The following ULK4 variants were observed in gnomAD, a reference collection of about 807,000 sequenced individuals.
ULK4 encodes inactive serine/threonine-protein kinase ULK4.
A neutral mutation model predicts 160.6 loss-of-function variants in ULK4; 133 were observed. The ratio of observed to expected loss-of-function variants is 0.83; its 90% CI spans 0.72 to 0.96. The LOEUF (loss-of-function observed/expected upper bound fraction) is 0.96. ULK4 is among the 40% of genes least tolerant of loss of function. The pLI, the probability that ULK4 is intolerant of heterozygous loss-of-function variation, is 0.00. For synonymous variants in ULK4, 534 were observed against 539.8 expected (o/e 0.99, Z 0.15); for missense variants, 1,580 against 1,499.5 (o/e 1.05, Z -0.89).
chr3:41,948,490 T>C (rs919755032), intron 2 of ULK4, among the ~76,000 whole-genome samples: 13 of 152,098 alleles, frequency 8.5e-5, no homozygotes, highest in Non-Finnish European at 1.3e-4. Context: ...TCAGGCACTA[T>C]GCTAAATATC....
chr3:41,516,655 C>T (rs2700453), intron 32 of ULK4, among the ~76,000 whole-genome samples: 124,205 of 145,740 alleles, frequency 0.85, 53,550 homozygotes, highest in Non-Finnish European at 0.94. Flanking sequence ...CATGAACATA[C>T]AGAGTAGAAG....
At chr3:41,769,910 TA>T (rs1337423344) in intron 21 of ULK4, among the ~76,000 whole-genome samples, 1 of 152,166 alleles carries the variant, frequency 6.6e-6, no homozygotes, top group Non-Finnish European at 1.5e-5. Context: ...CATCAACTGA[TA>T]ACAGCCTGAA....
chr3:41,597,913 C>T (rs1284018509), intron 31 of ULK4, among the ~76,000 whole-genome samples: 1 of 152,182 alleles, frequency 6.6e-6, no homozygotes, highest in Non-Finnish European at 1.5e-5. Context: ...AACTCCTAAG[C>T]ATAGCAGGTG....
intron 35 of ULK4, among the ~76,000 whole-genome samples, chr3:41,319,822 T>C (rs1267878748): frequency 6.6e-6 from 1 of 152,140 alleles, no homozygotes; most frequent in Non-Finnish European, 1.5e-5. Flanking sequence ...CCAGAAACAT[T>C]ACATGAATAA....
intron 32 of ULK4, among the ~76,000 whole-genome samples, chr3:41,526,507 G>C (rs2086122161): frequency 1.3e-5 from 2 of 152,354 alleles, no homozygotes; most frequent in Middle Eastern, 3.4e-3. Flanking sequence ...AGAGATGACA[G>C]AAATGGTCTA....
At chr3:41,746,548 A>G (rs961042757) in intron 22 of ULK4, among the ~76,000 whole-genome samples, 2 of 151,590 alleles carry the variant, frequency 1.3e-5, no homozygotes, top group African/African-American at 4.9e-5. Context: ...TCAGCAGACC[A>G]TAGAGTAAAT....
intron 31 of ULK4, among the ~76,000 whole-genome samples, chr3:41,589,853 C>CA (rs2031146100): frequency 1.3e-5 from 2 of 151,516 alleles, no homozygotes; most frequent in South Asian, 2.1e-4. Context: ...AAAAATCAGT[C>CA]AAAAAAATAA....
At chr3:41,450,399 CAGACTT>C (rs1167289750) in intron 34 of ULK4, among the ~76,000 whole-genome samples, 1 of 152,140 alleles carries the variant, frequency 6.6e-6, no homozygotes, top group Non-Finnish European at 1.5e-5. Context: ...ATTGTCAAAA[CAGACTT>C]AGAATCACTG....
chr3:41,776,233 T>A (rs2039615291), intron 21 of ULK4, among the ~76,000 whole-genome samples: 1 of 151,090 alleles, frequency 6.6e-6, no homozygotes, highest in Non-Finnish European at 1.5e-5. Context: ...CATTCCAATT[T>A]CTTCTTCTAT....
At chr3:41,479,983 G>A (rs192437091) in intron 32 of ULK4, among the ~76,000 whole-genome samples, 16 of 152,168 alleles carry the variant, frequency 1.1e-4, no homozygotes, top group South Asian at 8.3e-4. Context: ...CAAGGCAGGC[G>A]GATCGAGAGG....
intron 35 of ULK4, among the ~76,000 whole-genome samples, chr3:41,291,925 G>T (rs544915116): frequency 1.6e-4 from 24 of 151,952 alleles, no homozygotes; most frequent in African/African-American, 5.8e-4. Flanking sequence ...CCGCCTCCCG[G>T]GTTCATGCCA....
At position 41,835,918 on chromosome 3, in the gene ULK4, T is replaced by G. The variant is rs192218045; in HGVS notation, c.1710A>C (p.Leu570Phe). The G allele has an allele frequency of 3.4e-3, 5,502 of 1,613,622 alleles. 12 individuals are homozygous for G. Among genetic ancestry groups the G allele is most frequent in the Non-Finnish European group, 4.3e-3 (5,030 of 1,179,764 alleles). The change falls in exon 18 of 37, where the codon TTA becomes TTC. Residue 570 changes from leucine (L) to phenylalanine (F), a missense_variant. Physicochemically the swap from Leu to Phe is conservative, Grantham distance 22. Coordinates refer to ENST00000301831, the MANE Select transcript of ULK4 (RefSeq NM_017886.4). ...CAAGGGTTGGTAAAAGGCACTGTTTTAATTTGCTGTTCCTGAAGTTTTCCC... is the reference window on the plus strand; with the variant it reads ...CAAGGGTTGGTAAAAGGCACTGTTTGAATTTGCTGTTCCTGAAGTTTTCCC... ...LIRENFRNSK[L>F]KQCLLPTLGE...
At chr3:41,831,167 A>C (rs1163034541) in intron 18 of ULK4, among the ~76,000 whole-genome samples, 1 of 151,894 alleles carries the variant, frequency 6.6e-6, no homozygotes, top group Non-Finnish European at 1.5e-5. Flanking sequence ...AGCTGGGACT[A>C]CAGGTGCACA....
intron 31 of ULK4, among the ~76,000 whole-genome samples, chr3:41,614,785 T>C (rs2032878153): frequency 6.6e-6 from 1 of 152,180 alleles, no homozygotes; most frequent in Admixed American, 6.5e-5. Flanking sequence ...ATTTATAGAA[T>C]AATATTTTAA....
chr3:41,953,772 G>A (rs987992386), intron 2 of ULK4, among the ~76,000 whole-genome samples: 7 of 152,092 alleles, frequency 4.6e-5, no homozygotes, highest in Admixed American at 2.6e-4. Flanking sequence ...TCCAGGCTGG[G>A]CTCAGTGGCT....
At chr3:41,863,852 T>C (rs1025776129) in intron 17 of ULK4, among the ~76,000 whole-genome samples, 2 of 151,644 alleles carry the variant, frequency 1.3e-5, no homozygotes, top group African/African-American at 2.4e-5. Flanking sequence ...CTCTTTCCTC[T>C]TCTCTCAAGC....
chr3:41,814,302 C>A (rs1479638269), intron 19 of ULK4, among the ~76,000 whole-genome samples: 1 of 152,164 alleles, frequency 6.6e-6, no homozygotes, highest in Non-Finnish European at 1.5e-5. Flanking sequence ...TTTTCTGTCG[C>A]TTTCTCATTT....
intron 35 of ULK4, among the ~76,000 whole-genome samples, chr3:41,260,847 G>A (rs1428388895): frequency 6.6e-6 from 1 of 152,234 alleles, no homozygotes; most frequent in Non-Finnish European, 1.5e-5. Flanking sequence ...TTTCTGTCCA[G>A]GAGGACCACT....
At chr3:41,822,148 G>C (rs958352645) in intron 18 of ULK4, among the ~76,000 whole-genome samples, 7 of 151,964 alleles carry the variant, frequency 4.6e-5, no homozygotes, top group Middle Eastern at 3.2e-3. Flanking sequence ...CTTGCTCTTC[G>C]GATCAAGACC....
Sources: gnomAD v4.1 joint callset for allele counts (sites outside exome capture counted in the v4.1 genomes callset) on GRCh38, gnomAD v4.1.1 for gene constraint, MANE v1.5 for transcripts, NCBI Gene and HGNC (gene_info 2026-07-23, HGNC 2026-07-21) for gene names.